PCDH15: variants seen among roughly 807,000 people sequenced by gnomAD.
PCDH15 encodes protocadherin-15.
In PCDH15, 129 loss-of-function variants were observed where a neutral mutation model predicts 178.5. The observed-to-expected ratio is 0.72, with a 90% CI of 0.63 to 0.84. The LOEUF (loss-of-function observed/expected upper bound fraction) is 0.84. Ranked by LOEUF, PCDH15 falls within the 40% of genes least tolerant of loss-of-function variation. The probability of loss-of-function intolerance (pLI) is 0.00; values close to 1 mark genes in which losing one functional copy is unlikely to be tolerated. For missense variants in PCDH15, 2,230 were observed against 2,099.9 expected (o/e 1.06, Z -1.21); for synonymous variants, 800 against 732.0 (o/e 1.09, Z -1.50).
chr10:55,625,004 A>C (rs1837493477), intron 2 of PCDH15, among the ~76,000 whole-genome samples: 1 of 152,176 alleles, frequency 6.6e-6, no homozygotes, highest in Admixed American at 6.5e-5. Flanking sequence ...GGAAAAAGAT[A>C]AATATGTAAA....
chr10:54,733,322 T>C (rs895833394), intron 1 of PCDH15, among the ~76,000 whole-genome samples: 3 of 151,612 alleles, frequency 2.0e-5, no homozygotes, highest in Non-Finnish European at 4.4e-5. Flanking sequence ...CATCTCTGAA[T>C]GTTAACAATG....
chr10:54,180,198 C>A (rs2047855150), intron 13 of PCDH15, among the ~76,000 whole-genome samples: 1 of 152,134 alleles, frequency 6.6e-6, no homozygotes, highest in Admixed American at 6.5e-5. Flanking sequence ...TTGTTCATGA[C>A]CCATGTGCAT....
intron 1 of PCDH15, among the ~76,000 whole-genome samples, chr10:55,285,698 T>A (rs1842852280): frequency 6.6e-6 from 1 of 151,854 alleles, no homozygotes; most frequent in Non-Finnish European, 1.5e-5. Context: ...CAAATGCTTG[T>A]TGAGGGAAAA....
chr10:54,004,158 T>C (rs1410823933), intron 20 of PCDH15, among the ~76,000 whole-genome samples: 2 of 151,968 alleles, frequency 1.3e-5, no homozygotes, highest in African/African-American at 4.8e-5. Flanking sequence ...AAGTGATATA[T>C]GACAAACCCG....
At chr10:54,319,561 G>A (rs981386677) in intron 7 of PCDH15, among the ~76,000 whole-genome samples, 1 of 152,142 alleles carries the variant, frequency 6.6e-6, no homozygotes, top group Non-Finnish European at 1.5e-5. Context: ...TCTTTTTGGA[G>A]TGATTAAAAT....
intron 1 of PCDH15, among the ~76,000 whole-genome samples, chr10:55,181,032 GACTT>G (rs1357836214): frequency 1.3e-5 from 2 of 151,982 alleles, no homozygotes; most frequent in Admixed American, 1.3e-4. Context: ...TAGGAATTGG[GACTT>G]ACTTTAGATA....
At chr10:54,051,018 A>C (rs758960544) in intron 18 of PCDH15, among the ~76,000 whole-genome samples, 3 of 152,182 alleles carry the variant, frequency 2.0e-5, no homozygotes, top group Non-Finnish European at 2.9e-5. Flanking sequence ...CATGTGAAGA[A>C]GGATGTGTGT....
chr10:55,078,448 T>C (rs1035370883), intron 2 of PCDH15, among the ~76,000 whole-genome samples: 2 of 151,906 alleles, frequency 1.3e-5, no homozygotes, highest in Non-Finnish European at 2.9e-5. Flanking sequence ...ATACTGATAA[T>C]TTGTATATGT....
rs116457888 is a variant in PCDH15, at chr10:54,829,750, T to C, written c.-29+67700A>G. Among the ~76,000 whole-genome samples, 487 of 152,244 alleles carry C rather than the reference T, an allele frequency of 3.2e-3. 1 individual carries two copies. Among genetic ancestry groups the C allele is most frequent in the African/African-American group, 0.011 (458 of 41,566 alleles). ...ACAATATGGACCACCTGGACAGTTGTAATTTATTCCTGTTGTTTTCATGTC... is the reference window on the plus strand; with the variant it reads ...ACAATATGGACCACCTGGACAGTTGCAATTTATTCCTGTTGTTTTCATGTC... On this transcript the variant is annotated intron_variant, in intron 3 of 5. Transcript: ENST00000458638.
At chr10:55,265,774 T>G (rs2132240739) in intron 1 of PCDH15, among the ~76,000 whole-genome samples, 1 of 152,138 alleles carries the variant, frequency 6.6e-6, no homozygotes, top group Non-Finnish European at 1.5e-5. Context: ...ATCTCGTGAT[T>G]CAGTCAAGAA....
intron 2 of PCDH15, among the ~76,000 whole-genome samples, chr10:55,047,027 G>A (rs1041211263): frequency 2.6e-5 from 4 of 151,492 alleles, no homozygotes; most frequent in South Asian, 4.1e-4. Context: ...TTTTAATCTC[G>A]ATTACATTCT....
chr10:55,528,186 G>A (rs1841347704), intron 2 of PCDH15, among the ~76,000 whole-genome samples: 1 of 151,726 alleles, frequency 6.6e-6, no homozygotes, highest in East Asian at 1.9e-4. Flanking sequence ...ACAGGCATGT[G>A]CCATCACACT....
chr10:53,878,252 TAC>T (rs1477548017), intron 26 of PCDH15, among the ~76,000 whole-genome samples: 3 of 135,934 alleles, frequency 2.2e-5, no homozygotes, highest in Admixed American at 7.7e-5. Flanking sequence ...ATTCTACATA[TAC>T]ATACAGTAAA....
At chr10:54,002,064 C>CATAT (rs2092171920) in intron 20 of PCDH15, among the ~76,000 whole-genome samples, 2 of 35,028 alleles carry the variant, frequency 5.7e-5, no homozygotes, top group Non-Finnish European at 1.1e-4. Context: ...TATATATATA[C>CATAT]ATGTATATAT....
At chr10:53,866,878 A>AC in intron 26 of PCDH15, 21 bp from the exon 27 acceptor site, 2 of 1,514,102 alleles carry the variant, frequency 1.3e-6, no homozygotes, top group Non-Finnish European at 1.8e-6. Flanking sequence ...GGGAAAAAAA[A>AC]AGAGATTATA....
At chr10:54,075,999 T>A (rs1378280357) in intron 17 of PCDH15, among the ~76,000 whole-genome samples, 4 of 152,178 alleles carry the variant, frequency 2.6e-5, no homozygotes, top group African/African-American at 4.8e-5. Context: ...ACAAATAACA[T>A]CATTGGGATT....
At chr10:54,719,864 T>C (rs371978790) in intron 1 of PCDH15, among the ~76,000 whole-genome samples, 18,503 of 152,108 alleles carry the variant, frequency 0.12, 1,248 homozygotes, top group African/African-American at 0.17. Context: ...ATCTCATTCT[T>C]TTTATGGCTG....
intron 5 of PCDH15, among the ~76,000 whole-genome samples, 192 bp downstream of exon 5, chr10:54,368,928 A>C (rs1173395664): frequency 1.3e-5 from 2 of 152,116 alleles, no homozygotes; most frequent in Non-Finnish European, 2.9e-5. Context: ...TATTTTTCCC[A>C]TAGTTAAATG....
chr10:54,911,887 T>C (rs1015836582), intron 2 of PCDH15, among the ~76,000 whole-genome samples: 2 of 152,220 alleles, frequency 1.3e-5, no homozygotes, highest in Admixed American at 1.3e-4. Flanking sequence ...TGTGAGTCAA[T>C]TAAACCTCTT....
Sources: gnomAD v4.1 joint callset for allele counts (sites outside exome capture counted in the v4.1 genomes callset) on GRCh38, gnomAD v4.1.1 for gene constraint, MANE v1.5 for transcripts, NCBI Gene and HGNC (gene_info 2026-07-23, HGNC 2026-07-21) for gene names.